CSTF3: variants seen among roughly 807,000 people sequenced by gnomAD.
CSTF3 encodes CF-1 77 kDa subunit.
A neutral mutation model predicts 105.8 loss-of-function variants in CSTF3; 29 were observed. The observed-to-expected ratio is 0.27, with a 90% CI of 0.20 to 0.37. The LOEUF is 0.37. Among genes scored for constraint, CSTF3 ranks in the 10% least tolerant of loss-of-function variants. The pLI is 1.00. For missense variants in CSTF3, 357 were observed against 879.3 expected, an observed-to-expected ratio of 0.41 and a Z score of 7.51; for synonymous variants, 252 against 281.9, an observed-to-expected ratio of 0.89 and a Z score of 1.06.
intron 3 of CSTF3, among the ~76,000 whole-genome samples, chr11:33,124,948 G>GA (rs925772228): frequency 3.9e-5 from 6 of 151,900 alleles, no homozygotes; most frequent in Non-Finnish European, 5.9e-5. Context: ...TGTGATTTAA[G>GA]AAAAAAAACT....
At chr11:33,123,138 T>C (rs1276828245) in intron 3 of CSTF3, among the ~76,000 whole-genome samples, 1 of 151,466 alleles carries the variant, frequency 6.6e-6, no homozygotes, top group African/African-American at 2.4e-5. Context: ...GAAATTGTGC[T>C]AACATTAAAA....
At chr11:33,139,745 C>T (rs181067962) in intron 3 of CSTF3, among the ~76,000 whole-genome samples, 5 of 151,842 alleles carry the variant, frequency 3.3e-5, no homozygotes, top group South Asian at 2.1e-4. Context: ...TATTTGTGCG[C>T]GTGTGTATGT....
At chr11:33,139,849 T>C (rs1454079550) in intron 3 of CSTF3, among the ~76,000 whole-genome samples, 1 of 152,020 alleles carries the variant, frequency 6.6e-6, no homozygotes, top group African/African-American at 2.4e-5. Context: ...GAGCCTGTTA[T>C]GTAGACAACT....
At position 33,144,624 on chromosome 11, in the gene CSTF3, A is replaced by T. The variant is rs553923256; in HGVS notation, c.28-2638T>A. Among the ~76,000 whole-genome samples, 4 of 152,370 alleles carry T rather than the reference A, an allele frequency of 2.6e-5. No individual in the cohort carries two copies. The East Asian group carries it at 7.7e-4, about 29-fold the overall frequency. On this transcript the variant is annotated intron_variant, in intron 1 of 20. Coordinates refer to ENST00000323959, the MANE Select transcript of CSTF3 (RefSeq NM_001326.3). Reference sequence around the variant, plus strand: ...CCTACTTTACTCTTTCTGCCCAAATAAACTTAAGAGAGATCAAAGATTTAA... The same window carrying T: ...CCTACTTTACTCTTTCTGCCCAAATTAACTTAAGAGAGATCAAAGATTTAA...
At chr11:33,096,674 G>A (rs1855226164) in intron 14 of CSTF3, among the ~76,000 whole-genome samples, 161 bp downstream of exon 14, 1 of 152,140 alleles carries the variant, frequency 6.6e-6, no homozygotes, top group South Asian at 2.1e-4. Flanking sequence ...AGTAGTTGGG[G>A]ATTTGGATGA....
intron 16 of CSTF3, among the ~76,000 whole-genome samples, chr11:33,091,834 C>T (rs191946274): frequency 6.6e-6 from 1 of 152,098 alleles, no homozygotes; most frequent in Non-Finnish European, 1.5e-5. Context: ...CCCACCTCCG[C>T]CTCCCAGTAT....
intron 1 of CSTF3, among the ~76,000 whole-genome samples, chr11:33,144,694 T>G (rs10836027): frequency 0.55 from 83,624 of 152,116 alleles, 25,510 homozygotes; most frequent in Non-Finnish European, 0.68. Flanking sequence ...AGAATACGGT[T>G]AAATGTATTT....
At position 33,099,700 on chromosome 11, in the gene CSTF3, G is replaced by C. The variant is rs1397709098; in HGVS notation, c.844C>G (p.Gln282Glu). 9 of 1,597,722 alleles carry C rather than the reference G, an allele frequency of 5.6e-6. No individual in the cohort carries two copies. The highest frequency in any genetic ancestry group is 6.8e-6 in the Non-Finnish European group (8 of 1,173,254). ...TGATGGCCCAGCACAAGCAGGCACT[G>C]TTCATAAGCAAACATAACTAAGGGA... ...ITKRVMFAYE[Q>E]CLLVLGHHPD... Residue 282 changes from glutamine to glutamate, a missense_variant, in exon 11 of 21, where the codon CAG (glutamine) becomes GAG (glutamate). Coordinates refer to ENST00000323959, the MANE Select transcript of CSTF3 (RefSeq NM_001326.3). This position sits in a 1 kb window ranked among gnomAD's most constrained non-coding sequence, Gnocchi z 4.1.
At chr11:33,091,279 C>T (rs1011768886) in intron 16 of CSTF3, among the ~76,000 whole-genome samples, 1 of 152,172 alleles carries the variant, frequency 6.6e-6, no homozygotes, top group Admixed American at 6.5e-5. Flanking sequence ...AAACTGGTGC[C>T]TCATCGTTGT....
At position 33,098,290 on chromosome 11, in the gene CSTF3, C is replaced by A. The variant is rs922152080; in HGVS notation, c.1128+400G>T. ...TTCTTCCCAGGATGTCGGTTTCTCC[C>A]GCCTCATTTAAAAAGAAATATCTAT... On this transcript the variant is annotated intron_variant, in intron 13 of 20. Coordinates refer to ENST00000323959, the MANE Select transcript of CSTF3 (RefSeq NM_001326.3). 2.0e-5 allele frequency among the ~76,000 whole-genome samples: 3 copies of A among 152,010 alleles called. No homozygotes were observed. In the East Asian group the frequency reaches 5.8e-4, roughly 29 times the overall value.
rs557747463 is a variant in CSTF3, at chr11:33,099,472, T to C, written c.936+136A>G. 1.5e-6 allele frequency: 1 copy of C among 677,810 alleles called. No homozygotes were observed. The highest frequency in any genetic ancestry group is 2.5e-6 in the Non-Finnish European group (1 of 401,888). The allele number at this position is 677,810 out of a possible 1,614,324, so 42.0% of individuals were successfully genotyped here. On this transcript the variant is annotated intron_variant, in intron 11 of 20. Transcript: ENST00000323959. The surrounding 1 kb of genome is among the most constrained non-coding windows in gnomAD (Gnocchi z 4.1). ...GGAGGTCTAATTATATGAGTGTCAC[T>C]AAGATTCATATGAACGTAAACTTAA...
At chr11:33,125,553 C>G (rs1000654872) in intron 3 of CSTF3, among the ~76,000 whole-genome samples, 1 of 152,194 alleles carries the variant, frequency 6.6e-6, no homozygotes, top group Non-Finnish European at 1.5e-5. Flanking sequence ...ACATAAAGAA[C>G]ATCTCAGGAT....
chr11:33,133,900 C>T (rs992042475), intron 3 of CSTF3, among the ~76,000 whole-genome samples: 10 of 151,998 alleles, frequency 6.6e-5, no homozygotes, highest in African/African-American at 2.2e-4. Flanking sequence ...ATAATGAATC[C>T]GAAGAAATTT....
intron 3 of CSTF3, among the ~76,000 whole-genome samples, chr11:33,123,248 C>T (rs1016356367): frequency 6.6e-6 from 1 of 151,130 alleles, no homozygotes; most frequent in Non-Finnish European, 1.5e-5. Context: ...ATCCAAAGGG[C>T]TCTTAAAAAT....
chr11:33,122,316 ATCTCTATATACATGACCTTATTAT>A (rs1287107179), intron 3 of CSTF3, among the ~76,000 whole-genome samples: 3 of 152,210 alleles, frequency 2.0e-5, no homozygotes, highest in Non-Finnish European at 4.4e-5. Flanking sequence ...TGATTTTGAT[ATCTCTATATACATGACCTTATTAT>A]TCTCTATATA....
rs1855253215 is a variant in CSTF3 at position 33,099,028 on chromosome 11, A to G, written c.1053+6T>C. The G allele has an allele frequency of 1.3e-6, 2 of 1,563,200 alleles. No homozygotes were observed. Among genetic ancestry groups the G allele is most frequent in the East Asian group, 4.6e-5 (2 of 43,436 alleles). ...TTATAAGAAGGCTCTAAACATTTTTACTTACCTCTTCATAATCTGCATATG... is the reference window on the plus strand; with the variant it reads ...TTATAAGAAGGCTCTAAACATTTTTGCTTACCTCTTCATAATCTGCATATG... On this transcript the variant is annotated splice_donor_region_variant and intron_variant, in intron 12 of 20. Transcript: ENST00000323959. The surrounding 1 kb of genome is among the most constrained non-coding windows in gnomAD (Gnocchi z 4.1).
intron 3 of CSTF3, among the ~76,000 whole-genome samples, chr11:33,118,768 G>A (rs1855458910): frequency 6.6e-6 from 1 of 150,922 alleles, no homozygotes; most frequent in Non-Finnish European, 1.5e-5. Context: ...AACAAAAAAT[G>A]ACATTAATTC....
At chr11:33,147,115 ACT>A (rs1223161867) in intron 1 of CSTF3, among the ~76,000 whole-genome samples, 3 of 151,954 alleles carry the variant, frequency 2.0e-5, no homozygotes, top group African/African-American at 4.8e-5. Context: ...ACACAGTGAG[ACT>A]CTGTCTCTAC....
At chr11:33,086,611 T>C (rs1855108361) in intron 18 of CSTF3, among the ~76,000 whole-genome samples, 1 of 152,188 alleles carries the variant, frequency 6.6e-6, no homozygotes, top group Non-Finnish European at 1.5e-5. Context: ...AAAATTTTTG[T>C]ATTTTTAATA....
Sources: allele counts gnomAD v4.1 joint callset (sites outside exome capture counted in the v4.1 genomes callset), GRCh38; gene constraint gnomAD v4.1.1; non-coding constraint Gnocchi (gnomAD v3.1); transcripts MANE v1.5; gene names NCBI Gene and HGNC (gene_info 2026-07-23, HGNC 2026-07-21).